Variants in NCOR2 observed in about 807,000 individuals in gnomAD.
The protein encoded by NCOR2 is nuclear receptor corepressor 2.
A neutral mutation model predicts 262.9 loss-of-function variants in NCOR2; 81 were observed. The observed-to-expected ratio is 0.31, with a 90% CI of 0.26 to 0.37. NCOR2 has a LOEUF of 0.37. Ranked by LOEUF, NCOR2 falls within the 10% of genes least tolerant of loss-of-function variation. The pLI is 1.00. For missense variants in NCOR2, 3,385 were observed against 3,621.4 expected (o/e 0.93, Z 1.68); for synonymous variants, 1,659 against 1,559.3 (o/e 1.06, Z -1.51).
intron 37 of NCOR2, among the ~76,000 whole-genome samples, chr12:124,337,728 G>A (rs986700963): frequency 6.6e-6 from 1 of 152,236 alleles, no homozygotes; most frequent in Non-Finnish European, 1.5e-5. Flanking sequence ...CAGGGTGGGC[G>A]TTGAGAACAG....
At chr12:124,545,220 G>A (rs544077100) in intron 1 of NCOR2, among the ~76,000 whole-genome samples, 5 of 152,090 alleles carry the variant, frequency 3.3e-5, no homozygotes, top group Admixed American at 6.5e-5. Context: ...GCAGAGTCTC[G>A]GAGGGCCACG....
Position 124,358,103 on chromosome 12 carries a change from G to A in NCOR2, c.3101-1321C>T, listed in dbSNP as rs552017474. Among the ~76,000 whole-genome samples, 337 of 147,372 alleles carry A rather than the reference G, an allele frequency of 2.3e-3. 4 individuals are homozygous for A. Among genetic ancestry groups the A allele is most frequent in the Middle Eastern group, 0.011 (3 of 278 alleles). On this transcript the variant is annotated intron_variant, in intron 22 of 46. Coordinates refer to ENST00000405201, the Ensembl canonical transcript of NCOR2. ...ACCTGTGATGTGTGTGTGCGCGCGC[G>A]CACGTGCGTGCGTGTGAGTGCATGG...
chr12:124,373,572 TGGGCAGTGAGGCCAGTGCGTGCG>T (rs2039711793), intron 19 of NCOR2, among the ~76,000 whole-genome samples: 1 of 106,590 alleles, frequency 9.4e-6, no homozygotes, highest in African/African-American at 4.4e-5. Flanking sequence ...CCGGGCACAG[TGGGCAGTGAGGCCAGTGCGTGCG>T]CAGGGGCCCC....
At chr12:124,326,222 G>A (rs1277282884) in exon 46 of NCOR2, 1 of 1,539,320 alleles carries the variant, frequency 6.5e-7, no homozygotes. Flanking sequence ...CCCACACGCG[G>A]TTGGTGAGCG....
rs752750459 is a variant in NCOR2, at chr12:124,341,864, C to T, written c.5147G>A (p.Arg1716His). The change falls in exon 34 of 47, where the codon CGC becomes CAC. Residue 1716 changes from arginine to histidine, a missense_variant. Physicochemically the swap from Arg to His is conservative, Grantham distance 29. Transcript: ENST00000405201. ...GTAGTTGAGTGCCAGCGAGGACTCG[C>T]GGGGCGAGAGGCCCCTCAGCATATC... is the stretch of plus-strand genomic sequence containing the variant. 31 of 1,610,566 alleles carry T rather than the reference C, an allele frequency of 1.9e-5. No individual in the cohort carries two copies. The highest frequency in any genetic ancestry group is 4.5e-5 in the East Asian group (2 of 44,886).
Position 124,407,671 on chromosome 12 carries a change from TG to T in NCOR2, c.1483-5111del, listed in dbSNP as rs749014634. On this transcript the variant is annotated intron_variant, in intron 13 of 46. Coordinates refer to ENST00000405201, the Ensembl canonical transcript of NCOR2. The stretch of plus-strand genomic sequence containing the variant: ...CTGCGACCACCCACGTAGGGGTTGA[TG>T]AGATTTAATTCTCAGATGCTAAGTC... Among the ~76,000 whole-genome samples, 23 of 152,332 alleles carry T rather than the reference TG, an allele frequency of 1.5e-4. 1 individual carries two copies. The highest frequency in any genetic ancestry group is 1.2e-3 in the Admixed American group (19 of 15,300).
intron 16 of NCOR2, among the ~76,000 whole-genome samples, chr12:124,397,674 G>C (rs2041770795): frequency 6.6e-6 from 1 of 152,154 alleles, no homozygotes. Flanking sequence ...TAGGACCTTT[G>C]GGGCTCTAAG....
chr12:124,470,279 A>C (rs1005647209), intron 4 of NCOR2, among the ~76,000 whole-genome samples: 3 of 152,200 alleles, frequency 2.0e-5, no homozygotes, highest in Non-Finnish European at 4.4e-5. Flanking sequence ...CTGATGTGGA[A>C]AACAGCCTGG....
exon 38 of NCOR2, chr12:124,336,992 T>G (rs2035951602): frequency 6.6e-7 from 1 of 1,510,938 alleles, no homozygotes; most frequent in South Asian, 1.3e-5. Flanking sequence ...GGCTGGGGGC[T>G]TGGCGAGGAA....
chr12:124,509,497 G>A (rs1324907205), intron 1 of NCOR2, among the ~76,000 whole-genome samples: 1 of 152,200 alleles, frequency 6.6e-6, no homozygotes, highest in Non-Finnish European at 1.5e-5. Flanking sequence ...TTGCAACCAA[G>A]AGACCTAAGA....
At chr12:124,373,722 C>T (rs1484139330) in intron 19 of NCOR2, among the ~76,000 whole-genome samples, 45 of 66,966 alleles carry the variant, frequency 6.7e-4, no homozygotes, top group South Asian at 1.8e-3. Flanking sequence ...GAGGCCAGTG[C>T]GTGCGCAGGG....
chr12:124,517,864 G>A lies in NCOR2; in HGVS notation c.-118+17701C>T, dbSNP rs2049915916. 6.6e-6 allele frequency among the ~76,000 whole-genome samples: 1 copy of A among 152,180 alleles called. No homozygotes were observed. Among genetic ancestry groups the A allele is most frequent in the African/African-American group, 2.4e-5 (1 of 41,440 alleles). On this transcript the variant is annotated intron_variant, in intron 1 of 46. Coordinates refer to the NCOR2 transcript ENST00000404621. This position sits in a 1 kb window ranked among gnomAD's most constrained non-coding sequence, Gnocchi z 7.6. ...AGACAGCCCTGCCCACCATCCCGCT[G>A]AGCTCAGGGCCGACAACACTGCGCT...
chr12:124,402,228 G>C (rs1183835039), intron 14 of NCOR2, among the ~76,000 whole-genome samples, 176 bp downstream of exon 16: 1 of 152,076 alleles, frequency 6.6e-6, no homozygotes, highest in Non-Finnish European at 1.5e-5. Flanking sequence ...GGAGTAGGGC[G>C]ATGGGTGGGC....
intron 37 of NCOR2, chr12:124,337,432 G>C (rs1443862893): frequency 4.4e-6 from 3 of 682,008 alleles, no homozygotes; most frequent in Non-Finnish European, 8.1e-6. Context: ...CACTGTTCTA[G>C]ACACTGTGAA....
intron 42 of NCOR2, among the ~76,000 whole-genome samples, chr12:124,332,793 A>G (rs968528415): frequency 6.6e-6 from 1 of 152,084 alleles, no homozygotes; most frequent in Non-Finnish European, 1.5e-5. Context: ...CAGCGGGCCC[A>G]GCTTCCTTCT....
chr12:124,360,841 T>A (rs1423826157), intron 22 of NCOR2, among the ~76,000 whole-genome samples: 1 of 152,132 alleles, frequency 6.6e-6, no homozygotes, highest in East Asian at 1.9e-4. Flanking sequence ...CTCAACCCGT[T>A]TTGTTTCTCA....
intron 37 of NCOR2, 141 bp downstream of exon 39, chr12:124,339,865 T>A: frequency 3.2e-6 from 3 of 950,204 alleles, no homozygotes; most frequent in East Asian, 3.3e-5. Flanking sequence ...TACTCACACA[T>A]AGTCTATTCT....
intron 16 of NCOR2, among the ~76,000 whole-genome samples, chr12:124,386,399 T>C (rs1209523090): frequency 5.3e-5 from 8 of 151,534 alleles, no homozygotes; most frequent in African/African-American, 1.5e-4. Flanking sequence ...GAGCAGGGGA[T>C]GGGAGGGTGG....
intron 7 of NCOR2, among the ~76,000 whole-genome samples, chr12:124,442,585 C>A: frequency 6.6e-6 from 1 of 152,158 alleles, no homozygotes. Flanking sequence ...ATAAATAGTT[C>A]CACCTTCTCA....
Sources: gnomAD v4.1 joint callset for allele counts (sites outside exome capture counted in the v4.1 genomes callset) on GRCh38, gnomAD v4.1.1 for gene constraint, Gnocchi (gnomAD v3.1) non-coding constraint, MANE v1.5 for transcripts, NCBI Gene and HGNC (gene_info 2026-07-23, HGNC 2026-07-21) for gene names.